The following CACNA1E variants were observed in gnomAD, a reference collection of about 807,000 sequenced individuals.
CACNA1E encodes the protein voltage-dependent R-type calcium channel subunit alpha-1E.
A neutral mutation model predicts 259.2 loss-of-function variants in CACNA1E; 40 were observed. The ratio of observed to expected loss-of-function variants is 0.15; its 90% CI spans 0.12 to 0.20. The LOEUF (loss-of-function observed/expected upper bound fraction) is 0.20, where lower values mean the gene tolerates loss of function less well. Ranked by LOEUF, CACNA1E falls within the 10% of genes least tolerant of loss-of-function variation. CACNA1E has a pLI of 1.00. For synonymous variants in CACNA1E, 1,104 were observed against 1,138.5 expected (o/e 0.97, Z 0.61); for missense variants, 1,874 against 3,040.1 (o/e 0.62, Z 9.02).
chr1:181,433,887 C>T (rs1348541260), intron 2 of CACNA1E, among the ~76,000 whole-genome samples: 1 of 152,196 alleles, frequency 6.6e-6, no homozygotes, highest in African/African-American at 2.4e-5. Flanking sequence ...AACTTAGTAT[C>T]TGCCCTGCTT....
At chr1:181,795,101 G>A (rs1661679737) in intron 46 of CACNA1E, 57 bp downstream of exon 46, 1 of 1,415,208 alleles carries the variant, frequency 7.1e-7, no homozygotes, top group Non-Finnish European at 9.8e-7. Flanking sequence ...CTGCCCTGAT[G>A]CACTTACTCT....
intron 45 of CACNA1E, 47 bp from the exon 46 acceptor site, chr1:181,794,817 A>G (rs2102891965): frequency 1.3e-6 from 2 of 1,536,540 alleles, no homozygotes; most frequent in Admixed American, 1.9e-5. Context: ...AGATCTTTTC[A>G]ATCGTTAATC....
At chr1:181,487,620 G>T (rs1454707828) in intron 1 of CACNA1E, among the ~76,000 whole-genome samples, 3 of 151,776 alleles carry the variant, frequency 2.0e-5, no homozygotes, top group African/African-American at 7.3e-5. Context: ...TTTCTTTTTT[G>T]CTCATCTAAT....
Position 181,715,332 on chromosome 1 carries a change from A to G in CACNA1E, c.1172-6A>G. The G allele has an allele frequency of 1.3e-6, 2 of 1,574,468 alleles. No individual in the cohort carries two copies. The highest frequency in any genetic ancestry group is 1.7e-6 in the Non-Finnish European group (2 of 1,147,398). On this transcript the variant is annotated splice_region_variant and splice_polypyrimidine_tract_variant and intron_variant, in intron 8 of 47. Coordinates refer to ENST00000367573, the MANE Select transcript of CACNA1E (RefSeq NM_001205293.3). ...ATAATTTACCAAACCATTTGTTTCC[A>G]TATAGAGGAAGTCATGCTCGCTGAA...
At chr1:181,569,514 T>G (rs1360694528) in intron 3 of CACNA1E, among the ~76,000 whole-genome samples, 1 of 152,236 alleles carries the variant, frequency 6.6e-6, no homozygotes, top group Non-Finnish European at 1.5e-5. Flanking sequence ...AAGTAAAGTC[T>G]CCAGAAATTG....
chr1:181,715,487 T>TG (rs1653804980), intron 9 of CACNA1E, 96 bp downstream of exon 9: 5 of 715,968 alleles, frequency 7.0e-6, no homozygotes, highest in Non-Finnish European at 1.2e-5. Flanking sequence ...AAATGAAAGA[T>TG]GGTGTTCTGG....
chr1:181,497,126 C>G (rs932873153), intron 1 of CACNA1E, among the ~76,000 whole-genome samples: 6 of 152,268 alleles, frequency 3.9e-5, no homozygotes, highest in East Asian at 3.9e-4. Context: ...CACCTCCCCC[C>G]ACCTGAAGTT....
At chr1:181,521,932 C>A (rs1667021575) in intron 3 of CACNA1E, among the ~76,000 whole-genome samples, 1 of 152,060 alleles carries the variant, frequency 6.6e-6, no homozygotes, top group African/African-American at 2.4e-5. Context: ...TGATTGTAAT[C>A]TAAGAGGGGT....
intron 1 of CACNA1E, among the ~76,000 whole-genome samples, chr1:181,318,753 G>A (rs1650114090): frequency 6.6e-6 from 1 of 152,234 alleles, no homozygotes; most frequent in Non-Finnish European, 1.5e-5. Flanking sequence ...GCTGTAGGGT[G>A]GACTGGGTGT....
At chr1:181,711,140 A>G (rs543992464) in intron 8 of CACNA1E, 71 bp downstream of exon 8, 240 of 1,031,494 alleles carry the variant, frequency 2.3e-4, no homozygotes, top group East Asian at 1.5e-3. Context: ...CTCACTCCCA[A>G]TGCTCCCATT....
chr1:181,397,827 A>G (rs1656802262), intron 1 of CACNA1E, among the ~76,000 whole-genome samples: 1 of 152,036 alleles, frequency 6.6e-6, no homozygotes, highest in Non-Finnish European at 1.5e-5. Context: ...GTCAGTTCTC[A>G]TTGGCATTCT....
intron 5 of CACNA1E, among the ~76,000 whole-genome samples, chr1:181,580,023 G>T (rs527281925): frequency 1.3e-5 from 2 of 152,364 alleles, no homozygotes; most frequent in South Asian, 4.1e-4. Flanking sequence ...GAGGAAAGGA[G>T]ATGGGAGGCA....
intron 7 of CACNA1E, among the ~76,000 whole-genome samples, chr1:181,667,753 A>G (rs2102176724): frequency 6.6e-6 from 1 of 152,092 alleles, no homozygotes; most frequent in East Asian, 1.9e-4. Context: ...GAATGAGAAG[A>G]CCCCAAGTGC....
intron 2 of CACNA1E, among the ~76,000 whole-genome samples, chr1:181,430,981 C>G (rs188262327): frequency 2.2e-4 from 34 of 152,290 alleles, no homozygotes; most frequent in Middle Eastern, 3.4e-3. Context: ...TCTAGAAACA[C>G]ACACACATGC....
intron 3 of CACNA1E, among the ~76,000 whole-genome samples, chr1:181,536,433 A>C (rs916174340): frequency 6.6e-6 from 1 of 152,196 alleles, no homozygotes; most frequent in African/African-American, 2.4e-5. Context: ...AAAAGTTTTC[A>C]GTTATCGAAA....
intron 2 of CACNA1E, among the ~76,000 whole-genome samples, chr1:181,457,774 C>T (rs2332267): frequency 0.094 from 14,235 of 152,242 alleles, 819 homozygotes; most frequent in South Asian, 0.19. Context: ...ATGTCTGAGG[C>T]CAGGAATAGG....
rs1261937195 is a variant in CACNA1E at position 181,756,998 on chromosome 1, A to G, written c.4201A>G (p.Ile1401Val). 2 of 1,613,772 alleles carry G rather than the reference A, an allele frequency of 1.2e-6. No individual in the cohort carries two copies. Among genetic ancestry groups the G allele is most frequent in the Non-Finnish European group, 1.7e-6 (2 of 1,179,656 alleles). The change falls in exon 30 of 48, where the codon ATC (isoleucine) becomes GTC (valine). Residue 1401 changes from isoleucine (I) to valine (V), a missense_variant. By Grantham distance (29) the Ile-to-Val change is conservative (BLOSUM62 3). Around this residue, in one of 14 missense-constraint regions of CACNA1E, gnomAD observed 188 missense variants for 540.6 expected, o/e 0.35. Coordinates refer to ENST00000367573, the MANE Select transcript of CACNA1E (RefSeq NM_001205293.3). ...CCGCAGCAACCGCATGGAGATGTCT[A>G]TCTTTTATGTAGTCTACTTTGTGGT... ...PSRSNRMEMS[I>V]FYVVYFVVFP... is the part of the protein sequence containing the mutation.
At chr1:181,723,744 A>C (rs1654626311) in intron 16 of CACNA1E, among the ~76,000 whole-genome samples, 1 of 152,134 alleles carries the variant, frequency 6.6e-6, no homozygotes, top group Admixed American at 6.5e-5. Flanking sequence ...TCAGGAAAAC[A>C]CATTTACTGG....
intron 6 of CACNA1E, among the ~76,000 whole-genome samples, chr1:181,641,916 C>A (rs1210629214): frequency 1.3e-5 from 2 of 151,734 alleles, no homozygotes; most frequent in East Asian, 1.9e-4. Context: ...GTTTCACCAT[C>A]TTGGCCAGGC....
Sources: gnomAD v4.1 joint callset for allele counts (sites outside exome capture counted in the v4.1 genomes callset) on GRCh38, gnomAD v4.1.1 for gene constraint, gnomAD v4.1.1 regional missense constraint, MANE v1.5 for transcripts, NCBI Gene and HGNC (gene_info 2026-07-23, HGNC 2026-07-21) for gene names.